SHPRH: variants seen among roughly 807,000 people sequenced by gnomAD.
The protein encoded by SHPRH is E3 ubiquitin-protein ligase SHPRH.
SHPRH carries 106 observed loss-of-function variants against 202.5 expected under a neutral mutation model. The ratio of observed to expected loss-of-function variants is 0.52; its 90% CI spans 0.45 to 0.62. The LOEUF is 0.62. SHPRH is among the 20% of genes least tolerant of loss of function. SHPRH has a pLI of 0.00. For synonymous variants in SHPRH, 729 were observed against 686.0 expected (o/e 1.06, Z -0.98); for missense variants, 1,710 against 2,020.0 (o/e 0.85, Z 2.94).
At chr6:145,922,221 C>A in intron 20 of SHPRH, 65 bp downstream of exon 20, 3 of 1,386,948 alleles carry the variant, frequency 2.2e-6, no homozygotes, top group Non-Finnish European at 3.0e-6. Context: ...AGTCTTATAT[C>A]ACATAACTGA....
Position 145,893,063 on chromosome 6 carries a change from TAA to T in SHPRH, c.4874+150_4874+151del, listed in dbSNP as rs577951212. 7.6e-4 allele frequency: 363 copies of T among 474,518 alleles called. 1 individual carries two copies. The highest frequency in any genetic ancestry group is 1.0e-3 in the Non-Finnish European group (317 of 315,360). The allele number at this position is 474,518 out of a possible 1,614,324, so 29.4% of individuals were successfully genotyped here. A position where few individuals can be genotyped will look rare whatever the true frequency, so the allele number is the denominator to read the frequency against. On this transcript the variant is annotated intron_variant, in intron 28 of 29. Transcript: ENST00000275233. ...AAATAATTAAAAAGTTATAAATAAA[TAA>T]GTTATAAAATAAATAATTAAAAAAT...
In SHPRH at chr6:145,924,842, T is replaced by C. The variant is rs376256490; in HGVS notation, c.3299A>G (p.Lys1100Arg). 7 of 1,610,734 alleles carry C rather than the reference T, an allele frequency of 4.3e-6. No individual in the cohort carries two copies. The highest frequency in any genetic ancestry group is 1.1e-5 in the South Asian group (1 of 90,896). The stretch of plus-strand genomic sequence containing the variant: ...GCTCATGTAGTGCTCTCGCAGCTGT[T>C]TGGCCTGTGTTGAAACAGAGAATAT... Reference protein sequence around the residue: ...LRDGRLEEEAKQLREHYMSKC... With the variant: ...LRDGRLEEEARQLREHYMSKC... The change falls in exon 17 of 30, where the codon AAA becomes AGA. Residue 1100 changes from lysine (K) to arginine (R), a missense_variant. This residue lies in a region of SHPRH where 288 missense variants were observed against 317.8 expected (regional missense o/e 0.91). Transcript: ENST00000275233.
intron 20 of SHPRH, 54 bp from the exon 21 acceptor site, chr6:145,921,446 A>T: frequency 6.6e-7 from 1 of 1,517,478 alleles, no homozygotes; most frequent in Non-Finnish European, 9.1e-7. Flanking sequence ...AGTGAAAAGC[A>T]ACCTTCAATG....
intron 6 of SHPRH, 96 bp downstream of exon 6, chr6:145,947,397 A>C: frequency 1.5e-6 from 2 of 1,353,658 alleles, no homozygotes; most frequent in Non-Finnish European, 2.0e-6. Flanking sequence ...GAGTGAACAG[A>C]AAGTGTTGAC....
downstream of SHPRH, among the ~76,000 whole-genome samples, chr6:145,860,258 G>T (rs1207265691): frequency 1.3e-5 from 2 of 151,614 alleles, no homozygotes; most frequent in Non-Finnish European, 2.9e-5. Context: ...AATCCTAAAG[G>T]TGCCACAAAA....
At chr6:145,946,489 C>A (rs1323705489) in intron 6 of SHPRH, 148 bp from the exon 7 acceptor site, 10 of 519,344 alleles carry the variant, frequency 1.9e-5, no homozygotes, top group South Asian at 3.5e-5. Flanking sequence ...TAGATACATA[C>A]ACAGTTTTAT....
At chr6:145,954,445 G>A (rs1482055285) in intron 2 of SHPRH, among the ~76,000 whole-genome samples, 1 of 152,128 alleles carries the variant, frequency 6.6e-6, no homozygotes, top group African/African-American at 2.4e-5. Context: ...GCTGCAGTAA[G>A]AGGAACTGAT....
chr6:145,903,411 T>G (rs1486136793), intron 25 of SHPRH: 1 of 132,698 alleles, frequency 7.5e-6, no homozygotes, highest in East Asian at 2.3e-4. Context: ...TCTCTGTGAG[T>G]TGGAATGTAG....
At chr6:145,921,113 T>C in intron 21 of SHPRH, 54 bp downstream of exon 21, 1 of 1,469,106 alleles carries the variant, frequency 6.8e-7, no homozygotes, top group South Asian at 1.2e-5. Context: ...CAGTTAAAAT[T>C]GATGTAAAAA....
chr6:145,918,327 G>T, intron 22 of SHPRH, 95 bp from the exon 23 acceptor site: 3 of 739,826 alleles, frequency 4.1e-6, no homozygotes, highest in South Asian at 4.1e-5. Context: ...CAAATGTATT[G>T]TTTTTAAAAA....
At chr6:145,903,465 C>G (rs1156740642) in intron 25 of SHPRH, 1 of 151,832 alleles carries the variant, frequency 6.6e-6, no homozygotes, top group Non-Finnish European at 1.5e-5. Context: ...TATAAGATAT[C>G]TCTATTATCA....
At chr6:145,960,116 G>A (rs1220284706) in intron 1 of SHPRH, among the ~76,000 whole-genome samples, 1 of 152,152 alleles carries the variant, frequency 6.6e-6, no homozygotes, top group East Asian at 1.9e-4. Context: ...GGCTAATCTA[G>A]GCTAGGTTTC....
chr6:145,934,514 T>C (rs989218324), intron 13 of SHPRH, among the ~76,000 whole-genome samples: 1 of 50,448 alleles, frequency 2.0e-5, no homozygotes, highest in African/African-American at 1.1e-4. Context: ...AAATAAAAAG[T>C]AGCTGGCTGT....
chr6:145,919,501 T>G lies in SHPRH; in HGVS notation c.4009-10A>C. On this transcript the variant is annotated splice_polypyrimidine_tract_variant and intron_variant, in intron 21 of 29. Transcript: ENST00000275233. ...AATATTCATGAAGCAACTGAAGGAATAGAAAAGACAAACACAGTGGTAAAG... is the reference window on the plus strand; with the variant it reads ...AATATTCATGAAGCAACTGAAGGAAGAGAAAAGACAAACACAGTGGTAAAG... 6.2e-7 allele frequency: 1 copy of G among 1,611,802 alleles called. No homozygotes were observed. The highest frequency in any genetic ancestry group is 8.5e-7 in the Non-Finnish European group (1 of 1,178,784).
Position 145,919,377 on chromosome 6 carries a change from G to A in SHPRH, c.4123C>T (p.Pro1375Ser), listed in dbSNP as rs1178335127. 1 of 1,612,948 alleles carries A rather than the reference G, an allele frequency of 6.2e-7. No individual in the cohort carries two copies. Among genetic ancestry groups the A allele is most frequent in the Non-Finnish European group, 8.5e-7 (1 of 1,179,370 alleles). ...RDPREPKPNP[P>S]VLHIIEPHEV... ...TGTGGTTCAATGATATGAAGAACAG[G>A]CGGATTAGGCTTTGGCTCCCTAGGA... is the stretch of plus-strand genomic sequence containing the variant. Residue 1375 changes from proline (P) to serine (S), a missense_variant, in exon 22 of 30, where the codon CCT becomes TCT. Coordinates refer to ENST00000275233, the MANE Select transcript of SHPRH (RefSeq NM_001042683.3).
At chr6:145,946,435 A>G in intron 6 of SHPRH, 94 bp from the exon 7 acceptor site, 1 of 1,004,456 alleles carries the variant, frequency 1.0e-6, no homozygotes, top group Non-Finnish European at 1.4e-6. Flanking sequence ...ATGGAAATGC[A>G]AAACAGTTCT....
intron 4 of SHPRH, among the ~76,000 whole-genome samples, chr6:145,948,870 T>C (rs1324166529): frequency 6.6e-6 from 1 of 152,012 alleles, no homozygotes; most frequent in African/African-American, 2.4e-5. Flanking sequence ...AGTGCTGAGT[T>C]TGTTTCTACC....
intron 16 of SHPRH, 127 bp from the exon 17 acceptor site, chr6:145,924,973 A>G: frequency 1.5e-6 from 1 of 651,620 alleles, no homozygotes; most frequent in Middle Eastern, 2.7e-4. Flanking sequence ...ATAAAAGTCC[A>G]AGTATACTGT....
chr6:145,868,114 A>G (rs1313139999), intron 2 of SHPRH, among the ~76,000 whole-genome samples: 1 of 152,184 alleles, frequency 6.6e-6, no homozygotes, highest in African/African-American at 2.4e-5. Flanking sequence ...CTTAGCTTAT[A>G]GATGGTGCCT....
Sources: allele counts gnomAD v4.1 joint callset (sites outside exome capture counted in the v4.1 genomes callset), GRCh38; gene constraint gnomAD v4.1.1; regional missense constraint gnomAD v4.1.1; transcripts MANE v1.5; gene names NCBI Gene and HGNC (gene_info 2026-07-23, HGNC 2026-07-21).